DOCK3: variants seen among roughly 807,000 people sequenced by gnomAD.
DOCK3 encodes dedicator of cytokinesis protein 3.
In DOCK3, 60 loss-of-function variants were observed where a neutral mutation model predicts 265.6. The observed-to-expected ratio is 0.23, with a 90% confidence interval of 0.18 to 0.28. DOCK3 has a LOEUF of 0.28. DOCK3 is among the 10% of genes least tolerant of loss of function. The pLI, the probability that DOCK3 is intolerant of heterozygous loss-of-function variation, is 1.00. For missense variants in DOCK3, 1,981 were observed against 2,594.3 expected (o/e 0.76, Z 5.14); for synonymous variants, 881 against 938.0 (o/e 0.94, Z 1.11).
At chr3:50,681,718 A>G (rs1318504106) in intron 1 of DOCK3, among the ~76,000 whole-genome samples, 1 of 152,170 alleles carries the variant, frequency 6.6e-6, no homozygotes, top group East Asian at 1.9e-4. Flanking sequence ...GAAGCTTCCC[A>G]TTTTCCTGCT....
At chr3:50,743,412 A>G (rs971958808) in intron 1 of DOCK3, among the ~76,000 whole-genome samples, 1 of 150,138 alleles carries the variant, frequency 6.7e-6, no homozygotes, top group African/African-American at 2.5e-5. Context: ...TTGGTTAAAG[A>G]GTCAAGACCC....
intron 1 of DOCK3, among the ~76,000 whole-genome samples, chr3:50,736,962 G>A (rs2038672821): frequency 6.6e-6 from 1 of 152,128 alleles, no homozygotes; most frequent in African/African-American, 2.4e-5. Flanking sequence ...AAAGTGCTGG[G>A]ATTACAGGTG....
intron 3 of DOCK3, among the ~76,000 whole-genome samples, chr3:50,844,885 C>T (rs952838798): frequency 1.3e-5 from 2 of 152,104 alleles, no homozygotes; most frequent in Non-Finnish European, 2.9e-5. Flanking sequence ...TGTTCTGTTC[C>T]ATTGCCAAAA....
At chr3:51,170,161 A>G (rs2086604590) in intron 12 of DOCK3, among the ~76,000 whole-genome samples, 1 of 152,192 alleles carries the variant, frequency 6.6e-6, no homozygotes, top group Admixed American at 6.5e-5. Context: ...TGAAAAAATT[A>G]AAAATCTGAA....
At chr3:51,047,133 A>G (rs2109079984) in intron 5 of DOCK3, among the ~76,000 whole-genome samples, 1 of 152,196 alleles carries the variant, frequency 6.6e-6, no homozygotes, top group East Asian at 1.9e-4. Flanking sequence ...AGAAGCTAGA[A>G]AAAGAAAACT....
intron 6 of DOCK3, among the ~76,000 whole-genome samples, chr3:51,074,196 C>T (rs1425773132): frequency 2.0e-5 from 3 of 152,186 alleles, no homozygotes; most frequent in Non-Finnish European, 4.4e-5. Context: ...CTCCAAAATT[C>T]TGATGAGAGT....
At chr3:51,349,885 A>G (rs1360112583) in intron 39 of DOCK3, among the ~76,000 whole-genome samples, 1 of 152,224 alleles carries the variant, frequency 6.6e-6, no homozygotes, top group Non-Finnish European at 1.5e-5. Context: ...GCCAGCTACA[A>G]GCAACCTAGT....
intron 4 of DOCK3, among the ~76,000 whole-genome samples, chr3:50,911,208 A>G (rs976387333): frequency 6.6e-6 from 1 of 151,800 alleles, no homozygotes; most frequent in Non-Finnish European, 1.5e-5. Flanking sequence ...TTTTCCTTTG[A>G]GGTCTCGCTC....
chr3:51,381,346 G>A lies in DOCK3; in HGVS notation c.5880G>A (p.Gly1960=), dbSNP rs1439924688. 17 of 1,613,192 alleles carry A rather than the reference G, an allele frequency of 1.1e-5. No individual in the cohort carries two copies. The highest frequency in any genetic ancestry group is 1.3e-5 in the Non-Finnish European group (15 of 1,179,872). The change falls in exon 53 of 53, where the codon GGG becomes GGA. Residue 1960 remains glycine, a synonymous_variant. Coordinates refer to ENST00000266037, the MANE Select transcript of DOCK3 (RefSeq NM_004947.5). This position sits in a 1 kb window ranked among gnomAD's most constrained non-coding sequence, Gnocchi z 5.6. ...AQPCRSHSAP[G]CVIPQDPMDP... is the part of the protein sequence containing the mutation. ...CATGCCGAAGCCACTCAGCCCCAGGGTGCGTCATCCCTCAGGACCCCATGG... is the reference window on the plus strand; with the variant it reads ...CATGCCGAAGCCACTCAGCCCCAGGATGCGTCATCCCTCAGGACCCCATGG...
intron 49 of DOCK3, among the ~76,000 whole-genome samples, chr3:51,371,518 G>C (rs2087675526): frequency 6.6e-6 from 1 of 152,244 alleles, no homozygotes; most frequent in Admixed American, 6.5e-5. Flanking sequence ...TGGCATCATA[G>C]AGAAAGACTG....
chr3:50,747,274 T>G (rs1024005261), intron 1 of DOCK3, among the ~76,000 whole-genome samples: 1 of 152,240 alleles, frequency 6.6e-6, no homozygotes, highest in South Asian at 2.1e-4. Flanking sequence ...TTTATTCTTT[T>G]CAGAGTTGTC....
chr3:51,249,288 C>A (rs2079038293), intron 22 of DOCK3, among the ~76,000 whole-genome samples: 1 of 135,474 alleles, frequency 7.4e-6, no homozygotes, highest in African/African-American at 2.8e-5. Flanking sequence ...AAGTGAGGAG[C>A]CCCTCTGCCC....
At chr3:50,984,940 A>T (rs2108579111) in intron 5 of DOCK3, among the ~76,000 whole-genome samples, 1 of 152,326 alleles carries the variant, frequency 6.6e-6, no homozygotes, top group Middle Eastern at 3.4e-3. Context: ...GTGTGCAAAT[A>T]CTGTGCCGTT....
intron 5 of DOCK3, among the ~76,000 whole-genome samples, chr3:51,039,632 T>C (rs2080401043): frequency 6.6e-6 from 1 of 152,202 alleles, no homozygotes; most frequent in African/African-American, 2.4e-5. Context: ...TCTGAATTAC[T>C]ATTTGTTATC....
chr3:51,011,263 G>T (rs1263963166), intron 5 of DOCK3, among the ~76,000 whole-genome samples: 1 of 152,128 alleles, frequency 6.6e-6, no homozygotes, highest in Non-Finnish European at 1.5e-5. Flanking sequence ...ATACCAATCA[G>T]ACGTGTACCT....
At chr3:51,290,941 G>A (rs572131979) in intron 27 of DOCK3, among the ~76,000 whole-genome samples, 2 of 152,126 alleles carry the variant, frequency 1.3e-5, no homozygotes, top group African/African-American at 4.8e-5. Context: ...AGCCAGGCGT[G>A]GTGGCGGGCA....
intron 38 of DOCK3, among the ~76,000 whole-genome samples, chr3:51,347,910 G>A (rs1393270477): frequency 1.3e-5 from 2 of 152,252 alleles, no homozygotes; most frequent in African/African-American, 2.4e-5. Flanking sequence ...AATTGTGAAT[G>A]GGAGTTCACT....
At chr3:51,259,877 C>T (rs1039246388) in intron 22 of DOCK3, among the ~76,000 whole-genome samples, 4 of 152,186 alleles carry the variant, frequency 2.6e-5, no homozygotes, top group African/African-American at 9.7e-5. Context: ...TCAACTATTT[C>T]TATAACAGTC....
chr3:51,198,706 TGTGA>T (rs1315661742), intron 12 of DOCK3, among the ~76,000 whole-genome samples: 1 of 151,920 alleles, frequency 6.6e-6, no homozygotes, highest in Non-Finnish European at 1.5e-5. Flanking sequence ...ACTAAGGAAT[TGTGA>T]GTAAGAATAG....
Sources: allele counts gnomAD v4.1 joint callset (sites outside exome capture counted in the v4.1 genomes callset), GRCh38; gene constraint gnomAD v4.1.1; non-coding constraint Gnocchi (gnomAD v3.1); transcripts MANE v1.5; gene names NCBI Gene and HGNC (gene_info 2026-07-23, HGNC 2026-07-21).